Variants in GREB1 observed in about 807,000 individuals in gnomAD.
GREB1 encodes the protein protein GREB1.
GREB1 carries 106 observed loss-of-function variants against 200.7 expected under a neutral mutation model. The ratio of observed to expected loss-of-function variants is 0.53; its 90% CI spans 0.45 to 0.62. GREB1 has a LOEUF of 0.62. GREB1 is among the 20% of genes least tolerant of loss of function. GREB1 has a pLI of 0.00. For missense variants in GREB1, 2,243 were observed against 2,556.8 expected, an observed-to-expected ratio of 0.88 and a Z score of 2.65; for synonymous variants, 1,132 against 1,092.4, an observed-to-expected ratio of 1.04 and a Z score of -0.72.
chr2:11,529,939 T>C (rs1291648268), upstream of GREB1, among the ~76,000 whole-genome samples: 1 of 152,212 alleles, frequency 6.6e-6, no homozygotes, highest in South Asian at 2.1e-4. Flanking sequence ...AAAAGTTAAA[T>C]GAAAATTAAG....
intron 2 of GREB1, among the ~76,000 whole-genome samples, chr2:11,558,793 A>G (rs961725222): frequency 1.3e-5 from 2 of 152,148 alleles, no homozygotes; most frequent in African/African-American, 4.8e-5. Context: ...TCTTCAGACA[A>G]TGACATTAAA....
At chr2:11,632,428 T>G (rs1271163999) in intron 27 of GREB1, among the ~76,000 whole-genome samples, 1 of 150,928 alleles carries the variant, frequency 6.6e-6, no homozygotes, top group African/African-American at 2.4e-5. Context: ...AGCCTTTGTC[T>G]TACGGGTTCA....
intron 6 of GREB1, among the ~76,000 whole-genome samples, chr2:11,579,410 C>A (rs1336482863): frequency 6.6e-6 from 1 of 152,214 alleles, no homozygotes; most frequent in African/African-American, 2.4e-5. Flanking sequence ...GGGCAAATCT[C>A]TTCTGTCTAA....
chr2:11,530,045 T>A (rs765761081), upstream of GREB1, among the ~76,000 whole-genome samples: 1 of 152,038 alleles, frequency 6.6e-6, no homozygotes, highest in Non-Finnish European at 1.5e-5. Context: ...GGTGATTTTT[T>A]ATTTTATTTT....
intron 1 of GREB1, among the ~76,000 whole-genome samples, chr2:11,517,997 A>G (rs922289156): frequency 1.3e-5 from 2 of 152,192 alleles, no homozygotes; most frequent in Non-Finnish European, 2.9e-5. Flanking sequence ...GAGTTTTCCA[A>G]GGAGTGAGTT....
intron 1 of GREB1, among the ~76,000 whole-genome samples, chr2:11,506,410 G>T (rs1673184135): frequency 6.6e-6 from 1 of 152,192 alleles, no homozygotes; most frequent in East Asian, 1.9e-4. Flanking sequence ...AGCACCTGAG[G>T]CCCAGGAATC....
chr2:11,612,842 C>A (rs144147321), intron 19 of GREB1, among the ~76,000 whole-genome samples: 1 of 152,226 alleles, frequency 6.6e-6, no homozygotes, highest in Non-Finnish European at 1.5e-5. Context: ...CTCGTGGTGA[C>A]GGCTGTTGCC....
rs189873022 is a variant in GREB1 at position 11,620,009 on chromosome 2, G to A, written c.4045-896G>A. ...ATTGTTATTTTTCAGACGGAGTCTC[G>A]CTCTGTCGCCAGGCTTGAGTGCAGT... On this transcript the variant is annotated intron_variant, in intron 22 of 32. Coordinates refer to ENST00000381486, the MANE Select transcript of GREB1 (RefSeq NM_014668.4). Among the ~76,000 whole-genome samples, 573 of 152,236 alleles carry A rather than the reference G, an allele frequency of 3.8e-3. 2 individuals are homozygous for A. Among genetic ancestry groups the A allele is most frequent in the Non-Finnish European group, 5.9e-3 (403 of 68,012 alleles).
intron 1 of GREB1, among the ~76,000 whole-genome samples, chr2:11,514,145 T>C (rs907974914): frequency 6.6e-6 from 1 of 152,116 alleles, no homozygotes; most frequent in African/African-American, 2.4e-5. Context: ...GGAAAAGAAA[T>C]GGTGTCTCCA....
chr2:11,571,188 TGTC>T, intron 4 of GREB1, among the ~76,000 whole-genome samples: 1 of 152,238 alleles, frequency 6.6e-6, no homozygotes, highest in African/African-American at 2.4e-5. Context: ...ATCTTATTTT[TGTC>T]CCAAGTAACT....
At chr2:11,598,498 T>C (rs1313957294) in intron 14 of GREB1, among the ~76,000 whole-genome samples, 182 bp from the exon 15 acceptor site, 1 of 152,244 alleles carries the variant, frequency 6.6e-6, no homozygotes, top group Non-Finnish European at 1.5e-5. Flanking sequence ...CCCCAGCTCC[T>C]GTGCAGGACA....
chr2:11,590,980 T>C (rs1171496009), intron 10 of GREB1, among the ~76,000 whole-genome samples: 1 of 152,040 alleles, frequency 6.6e-6, no homozygotes, highest in Non-Finnish European at 1.5e-5. Flanking sequence ...GCTGGCAACC[T>C]TGATGATGAT....
rs1685828197 is a variant in GREB1, at chr2:11,641,747, A to G, written c.*1293A>G. Reference sequence around the variant, plus strand: ...GTGATCCGCCCGCCTCGGCCTCCCAAAGTGCTGGGATTACAGGCGTGAGCC... The same window carrying G: ...GTGATCCGCCCGCCTCGGCCTCCCAGAGTGCTGGGATTACAGGCGTGAGCC... On this transcript the variant is annotated 3_prime_UTR_variant, in exon 33 of 33. Transcript: ENST00000381486. The G allele has an allele frequency of 1.3e-5, 2 of 152,154 alleles. No homozygotes were observed. The highest frequency in any genetic ancestry group is 1.3e-4 in the Admixed American group (2 of 15,276). The allele number at this position is 152,154 out of a possible 1,614,324, so 9.4% of individuals were successfully genotyped here.
In GREB1 at chr2:11,637,290, G is replaced by A. The variant is rs1023230302; in HGVS notation, c.5347-426G>A. ...GAGTCTGATTTACGTAGATGTAAAC[G>A]TGTTGGTGATGGAGCAAGAGCCTGT... On this transcript the variant is annotated intron_variant, in intron 30 of 32. Transcript: ENST00000381486. Among the ~76,000 whole-genome samples, 12 of 151,858 alleles carry A rather than the reference G, an allele frequency of 7.9e-5. No homozygotes were observed. The East Asian group carries it at 9.7e-4, about 12-fold the overall frequency.
intron 2 of GREB1, among the ~76,000 whole-genome samples, chr2:11,559,491 T>C (rs912991682): frequency 5.9e-5 from 9 of 152,238 alleles, no homozygotes; most frequent in African/African-American, 2.2e-4. Context: ...TTGCCGTTCT[T>C]AGCAGCTTGG....
intron 3 of GREB1, 72 bp downstream of exon 3, chr2:11,562,654 T>G: frequency 6.7e-7 from 1 of 1,488,026 alleles, no homozygotes; most frequent in South Asian, 1.3e-5. Context: ...GGCGGGTGAC[T>G]GGGCCTGTGA....
rs376108113 is a variant in GREB1 at position 11,625,194 on chromosome 2, C to G, written c.4188C>G (p.Ser1396Arg). ...EESDWHYLQL[S>R]DPWPDLELFK... ...CTGACTGGCATTATCTCCAGCTTAG[C>G]GACCCCTGGCCAGACCTGGAGCTGT... is the stretch of plus-strand genomic sequence containing the variant. The change falls in exon 24 of 33, where the codon AGC becomes AGG. Residue 1396 changes from serine to arginine, a missense_variant. Physicochemically the swap from Ser to Arg is moderately radical, Grantham distance 110 (BLOSUM62 -1). This residue lies in a region of GREB1 where 587 missense variants were observed against 553.1 expected (regional missense o/e 1.06). Transcript: ENST00000381486. The G allele has an allele frequency of 1.2e-6, 2 of 1,613,686 alleles. No homozygotes were observed. Among genetic ancestry groups the G allele is most frequent in the Non-Finnish European group, 8.5e-7 (1 of 1,179,554 alleles).
At chr2:11,486,365 A>G (rs886128589) in intron 1 of GREB1, among the ~76,000 whole-genome samples, 3 of 152,196 alleles carry the variant, frequency 2.0e-5, no homozygotes, top group African/African-American at 7.2e-5. Context: ...TATGTTGCCC[A>G]GGCTGGTCTT....
chr2:11,539,411 C>T (rs1017966422), intron 1 of GREB1, among the ~76,000 whole-genome samples: 5 of 152,098 alleles, frequency 3.3e-5, no homozygotes, highest in Non-Finnish European at 5.9e-5. Context: ...GTTGTTGGGG[C>T]ATGTTCCATG....
Sources: gnomAD v4.1 joint callset for allele counts (sites outside exome capture counted in the v4.1 genomes callset) on GRCh38, gnomAD v4.1.1 for gene constraint, gnomAD v4.1.1 regional missense constraint, MANE v1.5 for transcripts, NCBI Gene and HGNC (gene_info 2026-07-23, HGNC 2026-07-21) for gene names.